The following TJP2 variants were observed in gnomAD, a reference collection of about 807,000 sequenced individuals.
TJP2 encodes the protein Friedreich ataxia region gene X104 (tight junction protein ZO-2).
A neutral mutation model predicts 133.1 loss-of-function variants in TJP2; 91 were observed. The observed-to-expected ratio is 0.68, with a 90% confidence interval of 0.58 to 0.81. The LOEUF is 0.81. Ranked by LOEUF, TJP2 falls within the 40% of genes least tolerant of loss-of-function variation. The pLI, the probability that TJP2 is intolerant of heterozygous loss-of-function variation, is 0.00. For synonymous variants in TJP2, 592 were observed against 583.4 expected (o/e 1.01, Z -0.21); for missense variants, 1,541 against 1,565.6 (o/e 0.98, Z 0.26).
At chr9:69,168,719 T>A (rs1391400682) in intron 2 of TJP2, among the ~76,000 whole-genome samples, 1 of 150,138 alleles carries the variant, frequency 6.7e-6, no homozygotes, top group Non-Finnish European at 1.5e-5. Flanking sequence ...CGCTTGAACC[T>A]GGGAGGCAGA....
chr9:69,221,703 G>A (rs1183395053), intron 5 of TJP2, among the ~76,000 whole-genome samples: 2 of 150,062 alleles, frequency 1.3e-5, no homozygotes, highest in African/African-American at 2.5e-5. Flanking sequence ...ACAGGCACCC[G>A]CCACCACGCC....
intron 1 of TJP2, among the ~76,000 whole-genome samples, chr9:69,209,843 C>G (rs1431451795): frequency 6.6e-6 from 1 of 152,054 alleles, no homozygotes; most frequent in East Asian, 1.9e-4. Context: ...TTGGAAAATG[C>G]TGTTTTAGAC....
In TJP2 at chr9:69,163,556, A is replaced by G. The variant is rs970030258; in HGVS notation, c.-10+11785A>G. Among the ~76,000 whole-genome samples, 6 of 151,684 alleles carry G rather than the reference A, an allele frequency of 4.0e-5. No individual in the cohort carries two copies. The South Asian group carries it at 1.3e-3, about 32-fold the overall frequency. ...GAGGCTGAGGTGGGAGGATCACTTG[A>G]GCCTGGGAGGCAATGGTTGCAGTGA... On this transcript the variant is annotated intron_variant, in intron 2 of 5. Coordinates refer to the TJP2 transcript ENST00000423935.
At chr9:69,219,173 TG>T (rs1183060656) in intron 4 of TJP2, among the ~76,000 whole-genome samples, 1 of 152,168 alleles carries the variant, frequency 6.6e-6, no homozygotes, top group African/African-American at 2.4e-5. Flanking sequence ...TTCACCATGT[TG>T]GTCAGGCTGG....
At chr9:69,238,913 C>T (rs1830389949) in intron 16 of TJP2, 124 bp downstream of exon 16, 2 of 863,764 alleles carry the variant, frequency 2.3e-6, no homozygotes, top group East Asian at 5.4e-5. Flanking sequence ...ATTGGCCGGG[C>T]ACAGTGGCTT....
rs1358040810 is a variant in TJP2, at chr9:69,225,376, G to T, written c.1025G>T (p.Gly342Val). The change falls in exon 6 of 23, where the codon GGC becomes GTC. Residue 342 changes from glycine (G) to valine (V), a missense_variant. Physicochemically the swap from Gly to Val is moderately radical, Grantham distance 109. Coordinates refer to ENST00000377245, the MANE Select transcript of TJP2 (RefSeq NM_004817.4). ...CGAACGGGTCTGGCAACTAAAGATG[G>T]CAACCTTCACGAAGGAGACATAATT... Reference protein sequence around the residue: ...MTRTGLATKDGNLHEGDIILK... With the variant: ...MTRTGLATKDVNLHEGDIILK... 3.7e-6 allele frequency: 6 copies of T among 1,613,734 alleles called. No homozygotes were observed. Among genetic ancestry groups the T allele is most frequent in the Middle Eastern group, 1.7e-4 (1 of 6,060 alleles).
intron 1 of TJP2, among the ~76,000 whole-genome samples, chr9:69,137,247 C>G (rs6560592): frequency 3.1e-5 from 2 of 64,430 alleles, no homozygotes; most frequent in East Asian, 5.3e-4. Flanking sequence ...CTTTCTCTCT[C>G]TCTTTCTTTC....
At chr9:69,230,711 T>G (rs985136907) in intron 11 of TJP2, among the ~76,000 whole-genome samples, 1 of 152,056 alleles carries the variant, frequency 6.6e-6, no homozygotes, top group Non-Finnish European at 1.5e-5. Flanking sequence ...GAGACTCAGG[T>G]TTCTGTATCT....
chr9:69,166,855 T>G (rs905049930), intron 2 of TJP2, among the ~76,000 whole-genome samples: 2 of 152,220 alleles, frequency 1.3e-5, no homozygotes, highest in African/African-American at 4.8e-5. Context: ...AAGGACTGCT[T>G]GAGCCCAGGA....
At chr9:69,155,227 CAAAAAAAAAAAA>C (rs58935075) in intron 2 of TJP2, among the ~76,000 whole-genome samples, 8 of 98,772 alleles carry the variant, frequency 8.1e-5, no homozygotes, top group South Asian at 7.1e-4. Context: ...ACTCCATTTC[CAAAAAAAAAAAA>C]AAAAAAAAAA....
chr9:69,138,283 A>G (rs1053339811), intron 1 of TJP2, among the ~76,000 whole-genome samples: 17 of 152,144 alleles, frequency 1.1e-4, no homozygotes, highest in African/African-American at 4.1e-4. Flanking sequence ...TTCTGCTGCC[A>G]GAGCCTAGAT....
chr9:69,250,478 A>G (rs1293636136), intron 20 of TJP2, among the ~76,000 whole-genome samples: 1 of 152,228 alleles, frequency 6.6e-6, no homozygotes, highest in East Asian at 1.9e-4. Context: ...TGTGATAGGT[A>G]CTAAGTAATA....
At chr9:69,167,213 G>A (rs528966961) in intron 2 of TJP2, among the ~76,000 whole-genome samples, 1 of 152,226 alleles carries the variant, frequency 6.6e-6, no homozygotes, top group Admixed American at 6.5e-5. Context: ...ACCCCAGCCT[G>A]GGCAACAGCA....
rs745456343 is a variant in TJP2 at position 69,248,189 on chromosome 9, A to C, written c.2845A>C (p.Ile949Leu). 51 of 1,611,736 alleles carry C rather than the reference A, an allele frequency of 3.2e-5. No individual in the cohort carries two copies. In the South Asian group the frequency reaches 5.4e-4, roughly 17 times the overall value. Reference sequence around the variant, plus strand: ...AGCCGAGGAGCCGCTGGTGTCGTCCATCACCCGCTCCTCGGAGCCGGTGCA... The same window carrying C: ...AGCCGAGGAGCCGCTGGTGTCGTCCCTCACCCGCTCCTCGGAGCCGGTGCA... ...EPAEEPLVSS[I>L]TRSSEPVQHE... Residue 949 changes from isoleucine (I) to leucine (L), a missense_variant, in exon 19 of 23, where the codon ATC (isoleucine) becomes CTC (leucine). Coordinates refer to ENST00000377245, the MANE Select transcript of TJP2 (RefSeq NM_004817.4).
Position 69,198,717 on chromosome 9 carries a change from G to A in TJP2, c.61-13831G>A, listed in dbSNP as rs145244673. On this transcript the variant is annotated intron_variant, in intron 1 of 22. Transcript: ENST00000377245. ...ACACTAGATTTAATCATCCACTGCCGGCACTCAGTGCATTGTGAAGGGAGG... is the reference window on the plus strand; with the variant it reads ...ACACTAGATTTAATCATCCACTGCCAGCACTCAGTGCATTGTGAAGGGAGG... 2.9e-3 allele frequency among the ~76,000 whole-genome samples: 442 copies of A among 152,252 alleles called. 2 individuals carry two copies. The highest frequency in any genetic ancestry group is 0.01 in the African/African-American group (417 of 41,558).
chr9:69,242,235 G>A (rs548016325), intron 17 of TJP2, among the ~76,000 whole-genome samples: 1 of 152,206 alleles, frequency 6.6e-6, no homozygotes, highest in Non-Finnish European at 1.5e-5. Flanking sequence ...GGCTGAGTGT[G>A]AGTAAGAATC....
chr9:69,174,148 C>G (rs749673111), upstream of TJP2: 4 of 1,262,616 alleles, frequency 3.2e-6, no homozygotes, highest in East Asian at 3.3e-5. Context: ...GACAGTTTCC[C>G]GGGCCGGGCG....
At chr9:69,140,779 G>T (rs118108987) in intron 1 of TJP2, among the ~76,000 whole-genome samples, 1 of 152,178 alleles carries the variant, frequency 6.6e-6, no homozygotes, top group East Asian at 1.9e-4. Context: ...TAGAAACAGC[G>T]TAGGATCAAT....
chr9:69,240,219 T>C (rs2133411962), intron 17 of TJP2, 72 bp downstream of exon 17: 2 of 1,357,934 alleles, frequency 1.5e-6, no homozygotes, highest in South Asian at 1.3e-5. Flanking sequence ...GAAGAAATAA[T>C]TAATTAATCT....
Sources: allele counts gnomAD v4.1 joint callset (sites outside exome capture counted in the v4.1 genomes callset), GRCh38; gene constraint gnomAD v4.1.1; transcripts MANE v1.5; gene names NCBI Gene and HGNC (gene_info 2026-07-23, HGNC 2026-07-21).